Variants in IFT88 observed in about 807,000 individuals in gnomAD.
IFT88 encodes the protein intraflagellar transport protein 88 homolog.
In IFT88, 74 loss-of-function variants were observed where a neutral mutation model predicts 119.5. The observed-to-expected ratio is 0.62, with a 90% CI of 0.51 to 0.75. The LOEUF is 0.75. IFT88 is among the 30% of genes least tolerant of loss of function. The pLI is 0.00. For synonymous variants in IFT88, 279 were observed against 316.7 expected, an observed-to-expected ratio of 0.88 and a Z score of 1.26; for missense variants, 961 against 977.7, an observed-to-expected ratio of 0.98 and a Z score of 0.23.
chr13:20,658,397 T>C (rs1357388830), intron 22 of IFT88, among the ~76,000 whole-genome samples: 1 of 152,184 alleles, frequency 6.6e-6, no homozygotes, highest in African/African-American at 2.4e-5. Context: ...TTTTTTAAAG[T>C]ACAAATTTCT....
chr13:20,688,691 A>G (rs1309347312), intron 24 of IFT88, among the ~76,000 whole-genome samples: 3 of 152,220 alleles, frequency 2.0e-5, no homozygotes, highest in Admixed American at 6.5e-5. Flanking sequence ...AACAGAAACT[A>G]TAGAGTCCAA....
At chr13:20,650,191 A>G (rs928809151) in intron 20 of IFT88, among the ~76,000 whole-genome samples, 6 of 152,180 alleles carry the variant, frequency 3.9e-5, no homozygotes, top group Admixed American at 1.3e-4. Flanking sequence ...CTACAGACCA[A>G]TATCTTTTGT....
intron 13 of IFT88, among the ~76,000 whole-genome samples, chr13:20,615,072 C>G (rs775624611): frequency 1.1e-4 from 17 of 152,194 alleles, no homozygotes; most frequent in Non-Finnish European, 1.9e-4. Flanking sequence ...GCCTTGGCCT[C>G]CCAAAGTGCT....
intron 3 of IFT88, among the ~76,000 whole-genome samples, chr13:20,589,135 C>G (rs953775522): frequency 6.6e-6 from 1 of 152,018 alleles, no homozygotes; most frequent in African/African-American, 2.4e-5. Context: ...TGTTGGGTCT[C>G]TAATGTATTC....
chr13:20,683,965 C>T (rs549879604), intron 24 of IFT88, among the ~76,000 whole-genome samples: 30 of 152,312 alleles, frequency 2.0e-4, no homozygotes, highest in African/African-American at 7.0e-4. Context: ...TAAACTAGAC[C>T]TACCTAGAAG....
intron 24 of IFT88, among the ~76,000 whole-genome samples, chr13:20,679,022 G>A (rs2141131473): frequency 6.6e-6 from 1 of 152,272 alleles, no homozygotes; most frequent in African/African-American, 2.4e-5. Context: ...TGCCTGAGAG[G>A]CTTGAAATAC....
chr13:20,629,963 C>G (rs1169819069), intron 15 of IFT88, among the ~76,000 whole-genome samples: 2 of 152,322 alleles, frequency 1.3e-5, no homozygotes, highest in South Asian at 2.1e-4. Context: ...TGTAAAGTGT[C>G]TGACCGTTCC....
At chr13:20,687,729 G>GA (rs911846103) in intron 24 of IFT88, among the ~76,000 whole-genome samples, 55 of 146,998 alleles carry the variant, frequency 3.7e-4, no homozygotes, top group Non-Finnish European at 7.5e-4. Context: ...GTTAAAAAAA[G>GA]AAAAAAAAGA....
chr13:20,585,698 G>A (rs528082517), intron 3 of IFT88, among the ~76,000 whole-genome samples: 7 of 152,298 alleles, frequency 4.6e-5, no homozygotes, highest in Admixed American at 1.3e-4. Flanking sequence ...AGACACTCCC[G>A]TCAGGCAGAG....
At chr13:20,628,816 G>A (rs1026679751) in intron 15 of IFT88, among the ~76,000 whole-genome samples, 6 of 152,092 alleles carry the variant, frequency 3.9e-5, no homozygotes, top group African/African-American at 1.4e-4. Context: ...GGATTGCACT[G>A]CTTTTTGGAT....
rs57789982 is a variant in IFT88, at chr13:20,640,571, AAAATAAATAAATAAATAAAT to A, written c.1574-697_1574-678del. Among the ~76,000 whole-genome samples, 238 of 144,314 alleles carry A rather than the reference AAAATAAATAAATAAATAAAT, an allele frequency of 1.6e-3. 3 individuals carry two copies. The highest frequency in any genetic ancestry group is 5.8e-3 in the African/African-American group (227 of 39,198). 94.7% of individuals were successfully genotyped at this position (144,314 alleles called of 152,430 possible). ...CTGGGCGACAGAGCGACTCCGTCTCAAAATAAATAAATAAATAAATAAATAAATAAATAAATAAATACAAA... is the reference window on the plus strand; with the variant it reads ...CTGGGCGACAGAGCGACTCCGTCTCAAAATAAATAAATAAATAAATACAAA... On this transcript the variant is annotated intron_variant, in intron 17 of 25. Transcript: ENST00000351808.
rs1473662291 is a variant in IFT88, at chr13:20,629,474, A to C, written c.1300-1542A>C. Among the ~76,000 whole-genome samples, 3 of 152,358 alleles carry C rather than the reference A, an allele frequency of 2.0e-5. No individual in the cohort carries two copies. The East Asian group carries it at 5.8e-4, about 29-fold the overall frequency. ...TTTTCCAGTGTTTACTTTGTAAACT[A>C]CTGACCTAGAAACTTCCATCAGTTT... is the stretch of plus-strand genomic sequence containing the variant. On this transcript the variant is annotated intron_variant, in intron 15 of 25. Transcript: ENST00000351808.
intron 17 of IFT88, among the ~76,000 whole-genome samples, chr13:20,640,899 A>G (rs1191907651): frequency 6.6e-6 from 1 of 152,040 alleles, no homozygotes; most frequent in Non-Finnish European, 1.5e-5. Context: ...TAATCCCAGT[A>G]CTTTGGGAGG....
At chr13:20,686,145 G>A (rs1328839938) in intron 24 of IFT88, among the ~76,000 whole-genome samples, 1 of 152,182 alleles carries the variant, frequency 6.6e-6, no homozygotes, top group Non-Finnish European at 1.5e-5. Flanking sequence ...GGATGCTGTT[G>A]CCATTGGGAG....
intron 2 of IFT88, among the ~76,000 whole-genome samples, chr13:20,574,995 T>C (rs913584365): frequency 2.6e-5 from 4 of 152,164 alleles, no homozygotes; most frequent in African/African-American, 9.6e-5. Flanking sequence ...TATTTTTAAA[T>C]GTACAATTAA....
At chr13:20,604,311 T>C (rs1326590578) in intron 12 of IFT88, among the ~76,000 whole-genome samples, 2 of 152,186 alleles carry the variant, frequency 1.3e-5, no homozygotes, top group African/African-American at 2.4e-5. Context: ...TTAATTATTA[T>C]ATATTATTTT....
chr13:20,569,852 C>A lies in IFT88; in HGVS notation c.-7+2596C>A, dbSNP rs555080142. The stretch of plus-strand genomic sequence containing the variant: ...GACCATACCGGCTAATACGGTGAAA[C>A]CCCATCTCTACTAAAAATAAAAATA... On this transcript the variant is annotated intron_variant, in intron 1 of 25. Coordinates refer to ENST00000351808, the MANE Select transcript of IFT88 (RefSeq NM_006531.5). Among the ~76,000 whole-genome samples the A allele has an allele frequency of 6.6e-4, 100 of 151,684 alleles. 2 individuals are homozygous for A. In the South Asian group the frequency reaches 0.014, roughly 21 times the overall value.
intron 2 of IFT88, among the ~76,000 whole-genome samples, chr13:20,582,025 T>C (rs2038782557): frequency 6.6e-6 from 1 of 152,186 alleles, no homozygotes; most frequent in Admixed American, 6.5e-5. Context: ...TTTTGTATTG[T>C]TTATTTTTAA....
rs2058425463 is a variant in IFT88, at chr13:20,691,070, C to T, written c.2370C>T (p.Asp790=). The T allele has an allele frequency of 6.2e-7, 1 of 1,613,694 alleles. No individual in the cohort carries two copies. Among genetic ancestry groups the T allele is most frequent in the Admixed American group, 1.7e-5 (1 of 59,972 alleles). The change falls in exon 26 of 26, where the codon GAC becomes GAT. Residue 790 remains aspartate (D), a synonymous_variant. Coordinates refer to ENST00000351808, the MANE Select transcript of IFT88 (RefSeq NM_006531.5). ...GAAACCTAGATGCCTCCTATGTGGA[C>T]CCACTTGGCCCTCAAATAGAACGAC... is the stretch of plus-strand genomic sequence containing the variant. The part of the protein sequence containing the change: ...SNKEIDASYV[D]PLGPQIERPK...
Sources: gnomAD v4.1 joint callset for allele counts (sites outside exome capture counted in the v4.1 genomes callset) on GRCh38, gnomAD v4.1.1 for gene constraint, MANE v1.5 for transcripts, NCBI Gene and HGNC (gene_info 2026-07-23, HGNC 2026-07-21) for gene names.